Variants in HERC2 observed in about 807,000 individuals in gnomAD.
The protein encoded by HERC2 is HECT and RLD domain containing E3 ubiquitin protein ligase 2.
HERC2 carries 102 observed loss-of-function variants against 537.7 expected under a neutral mutation model. The observed-to-expected ratio is 0.19, with a 90% CI of 0.16 to 0.22. The LOEUF (loss-of-function observed/expected upper bound fraction) is 0.22, where lower values mean the gene tolerates loss of function less well. Among genes scored for constraint, HERC2 ranks in the 10% least tolerant of loss-of-function variants. The pLI, the probability that HERC2 is intolerant of heterozygous loss-of-function variation, is 1.00. For synonymous variants in HERC2, 2,224 were observed against 2,466.2 expected, an observed-to-expected ratio of 0.90 and a Z score of 2.91; for missense variants, 4,236 against 6,198.2, an observed-to-expected ratio of 0.68 and a Z score of 10.63.
chr15:28,132,485 A>G (rs990542120), intron 80 of HERC2, among the ~76,000 whole-genome samples, 168 bp downstream of exon 80: 45 of 152,236 alleles, frequency 3.0e-4, no homozygotes, highest in African/African-American at 1.0e-3. Context: ...TTGATGAGCC[A>G]ACCCTACATC....
At chr15:28,321,292 A>G in intron 2 of HERC2, 70 bp downstream of exon 2, 1 of 652,956 alleles carries the variant, frequency 1.5e-6, no homozygotes, top group Non-Finnish European at 2.7e-6. Context: ...TACCCTAAAA[A>G]AAAGCCTTAC....
chr15:28,140,962 G>A (rs1173324478), intron 78 of HERC2, among the ~76,000 whole-genome samples: 3 of 151,968 alleles, frequency 2.0e-5, no homozygotes, highest in Non-Finnish European at 2.9e-5. Context: ...AATTGGCCGG[G>A]CGTGGTGGCT....
chr15:28,292,771 AT>A lies in HERC2; in HGVS notation c.322+116del, dbSNP rs1182922962. The A allele has an allele frequency of 4.6e-6, 5 of 1,085,660 alleles. No homozygotes were observed. The African/African-American group carries it at 6.5e-5, about 14-fold the overall frequency. The allele number at this position is 1,085,660 out of a possible 1,614,324, so 67.3% of individuals were successfully genotyped here. A position where few individuals can be genotyped will look rare whatever the true frequency, so the allele number is the denominator to read the frequency against. ...ATGTATATTTTACCACAATATTTAA[AT>A]TTTTTATTTACTTTTTTTAAAATTG... On this transcript the variant is annotated intron_variant, in intron 4 of 92. Transcript: ENST00000261609.
chr15:28,250,289 C>A (rs1222218037), intron 20 of HERC2, among the ~76,000 whole-genome samples: 1 of 152,170 alleles, frequency 6.6e-6, no homozygotes, highest in Non-Finnish European at 1.5e-5. Context: ...GCCCTCATCA[C>A]ACACGGCAAG....
intron 45 of HERC2, among the ~76,000 whole-genome samples, chr15:28,204,252 C>A (rs1396079737): frequency 6.6e-6 from 1 of 152,186 alleles, no homozygotes; most frequent in Admixed American, 6.5e-5. Context: ...AGCAGACCAA[C>A]AGGTGGGCAG....
intron 20 of HERC2, among the ~76,000 whole-genome samples, chr15:28,250,612 C>T (rs1479899229): frequency 1.3e-5 from 2 of 152,158 alleles, no homozygotes; most frequent in Admixed American, 6.5e-5. Flanking sequence ...CTCTGAAATA[C>T]GTTTCACGGC....
intron 2 of HERC2, among the ~76,000 whole-genome samples, chr15:28,304,997 A>G (rs1029396865): frequency 4.7e-5 from 7 of 149,972 alleles, no homozygotes; most frequent in Admixed American, 3.4e-4. Context: ...TAGTTTACTA[A>G]GAATGATGGT....
At chr15:28,266,836 G>A (rs2075581891) in intron 12 of HERC2, among the ~76,000 whole-genome samples, 1 of 152,142 alleles carries the variant, frequency 6.6e-6, no homozygotes, top group South Asian at 2.1e-4. Flanking sequence ...TGTCTTGATG[G>A]TGGTGACCCA....
chr15:28,260,377 T>C (rs2075386414), intron 16 of HERC2, among the ~76,000 whole-genome samples: 1 of 152,146 alleles, frequency 6.6e-6, no homozygotes, highest in African/African-American at 2.4e-5. Context: ...AATCTGATAA[T>C]AAGGCATCTA....
rs143912271 is a variant in HERC2, at chr15:28,264,905, G to A, written c.1870+713C>T. ...ACACGGCTCTGACAAGGTCTGTCCCGTCAATGGCAGCAGGACCGACATACA... is the reference window on the plus strand; with the variant it reads ...ACACGGCTCTGACAAGGTCTGTCCCATCAATGGCAGCAGGACCGACATACA... On this transcript the variant is annotated intron_variant, in intron 14 of 92. Transcript: ENST00000261609. 3.4e-4 allele frequency among the ~76,000 whole-genome samples: 52 copies of A among 152,224 alleles called. No homozygotes were observed. In the East Asian group the frequency reaches 7.6e-3, roughly 22 times the overall value.
At chr15:28,287,305 G>A (rs1201108720) in intron 4 of HERC2, among the ~76,000 whole-genome samples, 2 of 152,134 alleles carry the variant, frequency 1.3e-5, no homozygotes, top group Non-Finnish European at 2.9e-5. Flanking sequence ...ATTAAAGATG[G>A]AGTGGCTCAA....
At chr15:28,159,701 T>A (rs1199138506) in intron 69 of HERC2, among the ~76,000 whole-genome samples, 1 of 152,234 alleles carries the variant, frequency 6.6e-6, no homozygotes, top group African/African-American at 2.4e-5. Context: ...CTCGGAGAAG[T>A]TTGATCGTCT....
At chr15:28,236,880 G>T in intron 26 of HERC2, 83 bp downstream of exon 26, 8 of 1,150,588 alleles carry the variant, frequency 7.0e-6, no homozygotes, top group Non-Finnish European at 1.0e-5. Context: ...GAACCACTGT[G>T]CCTGGCCCTC....
At chr15:28,291,654 T>C (rs2076315908) in intron 4 of HERC2, among the ~76,000 whole-genome samples, 2 of 151,964 alleles carry the variant, frequency 1.3e-5, no homozygotes, top group South Asian at 4.1e-4. Flanking sequence ...AGAATAAATG[T>C]ATGGGTTTTA....
At chr15:28,190,918 T>A (rs559312793) in intron 55 of HERC2, 47 bp downstream of exon 55, 328 of 1,309,508 alleles carry the variant, frequency 2.5e-4, no homozygotes, top group Non-Finnish European at 3.3e-4. Flanking sequence ...GTCACCTCCC[T>A]TGTCATCTGT....
Position 28,132,705 on chromosome 15 carries a change from C to T in HERC2, c.12356G>A (p.Arg4119His), listed in dbSNP as rs1380688410. The T allele has an allele frequency of 1.9e-6, 3 of 1,594,532 alleles. No homozygotes were observed. The highest frequency in any genetic ancestry group is 2.6e-6 in the Non-Finnish European group (3 of 1,170,806). Residue 4119 changes from arginine to histidine, a missense_variant, in exon 80 of 93, where the codon CGC (arginine) becomes CAC (histidine). Transcript: ENST00000261609. ...GTCGCTGTGCCCCAGCCGGCCGTAG[C>T]GGCCTTTGCCCCATGTGTAGAGGTC... Reference protein sequence around the residue: ...AGDLYTWGKGRYGRLGHSDSE... With the variant: ...AGDLYTWGKGHYGRLGHSDSE...
intron 72 of HERC2, 150 bp downstream of exon 72, chr15:28,144,523 C>G: frequency 3.8e-6 from 4 of 1,059,460 alleles, no homozygotes; most frequent in Non-Finnish European, 5.5e-6. Flanking sequence ...TTCTGTTCCA[C>G]GCCTCAGCAG....
intron 79 of HERC2, among the ~76,000 whole-genome samples, chr15:28,134,234 T>C (rs888847282): frequency 2.6e-5 from 4 of 152,226 alleles, no homozygotes; most frequent in Non-Finnish European, 5.9e-5. Flanking sequence ...GGAGAGGGTA[T>C]TCTAAGTGGT....
chr15:28,126,658 C>T (rs151303132), intron 83 of HERC2, among the ~76,000 whole-genome samples: 2 of 152,020 alleles, frequency 1.3e-5, no homozygotes, highest in African/African-American at 2.4e-5. Flanking sequence ...TGTTCTCATG[C>T]GATGAGGATG....
Sources: gnomAD v4.1 joint callset for allele counts (sites outside exome capture counted in the v4.1 genomes callset) on GRCh38, gnomAD v4.1.1 for gene constraint, MANE v1.5 for transcripts, NCBI Gene and HGNC (gene_info 2026-07-23, HGNC 2026-07-21) for gene names.